CNTN5: variants seen among roughly 807,000 people sequenced by gnomAD.
The protein encoded by CNTN5 is contactin 5, also known as contactin-5.
Under a neutral mutation model 129.1 loss-of-function variants are expected in CNTN5, and 77 were observed. The ratio of observed to expected loss-of-function variants is 0.60; its 90% CI spans 0.50 to 0.72. The LOEUF is 0.72. CNTN5 is among the 30% of genes least tolerant of loss of function. The pLI, the probability that CNTN5 is intolerant of heterozygous loss-of-function variation, is 0.00. For synonymous variants in CNTN5, 509 were observed against 465.6 expected, an observed-to-expected ratio of 1.09 and a Z score of -1.20; for missense variants, 1,478 against 1,328.8, an observed-to-expected ratio of 1.11 and a Z score of -1.75.
chr11:100,340,485 A>C lies in CNTN5; in HGVS notation c.2753A>C (p.Glu918Ala). 1 of 1,611,774 alleles carries C rather than the reference A, an allele frequency of 6.2e-7. No homozygotes were observed. The highest frequency in any genetic ancestry group is 8.5e-7 in the Non-Finnish European group (1 of 1,178,896). ...TAGGTTGGTTACTGGAAAGACATGG[A>C]ACAGGAAGATACAGCAGAAACAGTC... Reference protein sequence around the residue: ...GFEVGYWKDMEQEDTAETVKT... With the variant: ...GFEVGYWKDMAQEDTAETVKT... Residue 918 changes from glutamate to alanine, a missense_variant, in exon 22 of 25, where the codon GAA becomes GCA. Transcript: ENST00000524871.
chr11:99,292,561 A>G lies in CNTN5; in HGVS notation c.-209-32785A>G, dbSNP rs1329538720. 1.7e-4 allele frequency among the ~76,000 whole-genome samples: 26 copies of G among 152,136 alleles called. 1 individual carries two copies. The highest frequency in any genetic ancestry group is 1.7e-3 in the Admixed American group (26 of 15,260). ...TTGTCTTGTTCCAAATCTTAGAGGAAAGGGTCCAGTCCTTCCTTCCCACCT... is the reference window on the plus strand; with the variant it reads ...TTGTCTTGTTCCAAATCTTAGAGGAGAGGGTCCAGTCCTTCCTTCCCACCT... On this transcript the variant is annotated intron_variant, in intron 1 of 24. Transcript: ENST00000524871.
At chr11:99,850,977 A>C (rs1480359976) in intron 6 of CNTN5, among the ~76,000 whole-genome samples, 2 of 152,182 alleles carry the variant, frequency 1.3e-5, no homozygotes, top group South Asian at 4.1e-4. Context: ...AACCGGAACT[A>C]GAATTTAATC....
At chr11:99,171,971 C>T (rs1021468641) in intron 1 of CNTN5, among the ~76,000 whole-genome samples, 5 of 152,140 alleles carry the variant, frequency 3.3e-5, no homozygotes, top group African/African-American at 1.2e-4. Context: ...TGGCCAAGTA[C>T]TAATGAAATT....
intron 1 of CNTN5, among the ~76,000 whole-genome samples, chr11:99,105,610 A>G (rs1011435550): frequency 6.6e-6 from 1 of 152,152 alleles, no homozygotes; most frequent in African/African-American, 2.4e-5. Context: ...CTAAATTTCA[A>G]ACATGACAAA....
Position 99,750,582 on chromosome 11 carries a change from G to A in CNTN5, c.56-68962G>A, listed in dbSNP as rs61911565. Among the ~76,000 whole-genome samples, 43 of 151,138 alleles carry A rather than the reference G, an allele frequency of 2.8e-4. 2 individuals carry two copies. The Middle Eastern group carries it at 0.01, about 37-fold the overall frequency. ...GCTACCACTCTTACCTCCTCTGTAAGGGGAAAAAAAAAAGATAATAAATTT... is the reference window on the plus strand; with the variant it reads ...GCTACCACTCTTACCTCCTCTGTAAAGGGAAAAAAAAAAGATAATAAATTT... On this transcript the variant is annotated intron_variant, in intron 3 of 24. Coordinates refer to ENST00000524871, the MANE Select transcript of CNTN5 (RefSeq NM_014361.4).
chr11:99,320,640 G>A (rs868008951), intron 1 of CNTN5, among the ~76,000 whole-genome samples: 3 of 152,054 alleles, frequency 2.0e-5, no homozygotes, highest in Non-Finnish European at 2.9e-5. Context: ...CAATGGGAAA[G>A]GAAAAAGTAT....
intron 3 of CNTN5, among the ~76,000 whole-genome samples, chr11:99,640,847 A>C (rs1024395527): frequency 6.6e-6 from 1 of 152,212 alleles, no homozygotes; most frequent in Non-Finnish European, 1.5e-5. Flanking sequence ...TAAGCAATGC[A>C]TGAATGTATT....
intron 13 of CNTN5, among the ~76,000 whole-genome samples, chr11:100,076,739 T>A (rs1410372118): frequency 6.6e-6 from 1 of 151,972 alleles, no homozygotes; most frequent in East Asian, 1.9e-4. Context: ...CTGCCTACCT[T>A]GATCTACATG....
intron 1 of CNTN5, among the ~76,000 whole-genome samples, chr11:99,195,477 C>A (rs1239280860): frequency 1.3e-5 from 2 of 151,946 alleles, no homozygotes; most frequent in Non-Finnish European, 2.9e-5. Context: ...TTAAAGCGCT[C>A]CTTTATACTG....
chr11:99,774,646 G>A (rs890027785), intron 3 of CNTN5, among the ~76,000 whole-genome samples: 13 of 151,774 alleles, frequency 8.6e-5, no homozygotes, highest in African/African-American at 4.8e-5. Context: ...GGCAGTTCTC[G>A]GGCTCATCGT....
chr11:100,289,047 A>C (rs1182844300), intron 18 of CNTN5, among the ~76,000 whole-genome samples: 1 of 152,220 alleles, frequency 6.6e-6, no homozygotes, highest in African/African-American at 2.4e-5. Context: ...CACTCTCCAA[A>C]GACTAAGCCA....
chr11:99,906,391 G>A (rs1302674688), intron 6 of CNTN5, among the ~76,000 whole-genome samples: 1 of 152,150 alleles, frequency 6.6e-6, no homozygotes, highest in Non-Finnish European at 1.5e-5. Context: ...TGCATCTATT[G>A]AGGTAATCAT....
intron 1 of CNTN5, among the ~76,000 whole-genome samples, chr11:99,226,621 T>C (rs922031382): frequency 6.6e-6 from 1 of 152,158 alleles, no homozygotes; most frequent in African/African-American, 2.4e-5. Flanking sequence ...TATGATTCCA[T>C]AAAACATATG....
chr11:99,741,457 G>A (rs1943886673), intron 3 of CNTN5, among the ~76,000 whole-genome samples: 1 of 151,992 alleles, frequency 6.6e-6, no homozygotes, highest in Admixed American at 6.6e-5. Flanking sequence ...GAATTTACAG[G>A]AAAGGGATAT....
chr11:99,547,649 T>A (rs1242861983), intron 2 of CNTN5, among the ~76,000 whole-genome samples: 1 of 152,242 alleles, frequency 6.6e-6, no homozygotes, highest in African/African-American at 2.4e-5. Flanking sequence ...TTAATTGCAT[T>A]ATCCTCCTTC....
At chr11:99,939,841 A>G (rs1378029752) in intron 7 of CNTN5, among the ~76,000 whole-genome samples, 1 of 152,138 alleles carries the variant, frequency 6.6e-6, no homozygotes, top group Non-Finnish European at 1.5e-5. Flanking sequence ...TGTTTGTGTT[A>G]TGGAAGTAAA....
intron 2 of CNTN5, among the ~76,000 whole-genome samples, chr11:99,446,304 G>A (rs1944069228): frequency 6.6e-6 from 1 of 152,052 alleles, no homozygotes; most frequent in Non-Finnish European, 1.5e-5. Flanking sequence ...TTTATCTTAA[G>A]ATCTCAACTT....
intron 9 of CNTN5, among the ~76,000 whole-genome samples, chr11:100,039,991 G>C (rs1292221018): frequency 2.0e-5 from 3 of 152,176 alleles, no homozygotes; most frequent in African/African-American, 7.2e-5. Context: ...TCTCCATCCA[G>C]CTTTGTTCTG....
intron 6 of CNTN5, among the ~76,000 whole-genome samples, chr11:99,856,837 T>C (rs1466417408): frequency 2.0e-5 from 3 of 152,194 alleles, no homozygotes; most frequent in East Asian, 3.9e-4. Context: ...GATTTCTCTA[T>C]AATTATTAGG....
Sources: allele counts gnomAD v4.1 joint callset (sites outside exome capture counted in the v4.1 genomes callset), GRCh38; gene constraint gnomAD v4.1.1; transcripts MANE v1.5; gene names NCBI Gene and HGNC (gene_info 2026-07-23, HGNC 2026-07-21).